Variants in NRBF2 observed in about 807,000 individuals in gnomAD.
The protein encoded by NRBF2 is nuclear receptor binding factor 2.
A neutral mutation model predicts 28.5 loss-of-function variants in NRBF2; 12 were observed. That is an observed-to-expected ratio of 0.42 (90% confidence interval 0.27 to 0.68). NRBF2 has a LOEUF of 0.68. Among genes scored for constraint, NRBF2 ranks in the 30% least tolerant of loss-of-function variants. The pLI is 0.24. For synonymous variants in NRBF2, 102 were observed against 116.5 expected (o/e 0.88, Z 0.80); for missense variants, 274 against 333.5 (o/e 0.82, Z 1.39).
chr10:63,146,381 C>A, intron 2 of NRBF2, 88 bp downstream of exon 2: 1 of 828,948 alleles, frequency 1.2e-6, no homozygotes, highest in Non-Finnish European at 1.9e-6. Context: ...ATATGCAAGA[C>A]TGATACTGCT....
chr10:63,145,164 A>G (rs985105076), intron 1 of NRBF2, among the ~76,000 whole-genome samples: 32 of 142,082 alleles, frequency 2.3e-4, no homozygotes, highest in African/African-American at 7.0e-4. Flanking sequence ...CTGGAGAGCA[A>G]TGGCATGATC....
At chr10:63,149,266 G>A (rs1479513846) in intron 2 of NRBF2, among the ~76,000 whole-genome samples, 5 of 152,274 alleles carry the variant, frequency 3.3e-5, no homozygotes, top group South Asian at 2.1e-4. Context: ...ACAGGCATGC[G>A]CCATCACACT....
intron 1 of NRBF2, among the ~76,000 whole-genome samples, chr10:63,135,269 A>G (rs1024447523): frequency 5.8e-4 from 88 of 152,212 alleles, no homozygotes; most frequent in Non-Finnish European, 1.2e-4. Flanking sequence ...ATGGCTCAAT[A>G]CTGAAACTTC....
At chr10:63,142,141 G>T (rs188577130) in intron 1 of NRBF2, among the ~76,000 whole-genome samples, 1 of 151,982 alleles carries the variant, frequency 6.6e-6, no homozygotes, top group Admixed American at 6.6e-5. Flanking sequence ...AATCATCAGC[G>T]ACACACACAG....
intron 1 of NRBF2, among the ~76,000 whole-genome samples, chr10:63,141,471 A>C (rs919934866): frequency 6.6e-6 from 1 of 152,190 alleles, no homozygotes; most frequent in East Asian, 1.9e-4. Context: ...TTAAAATGCA[A>C]TTCAGTCTAG....
rs2132699772 is a variant in NRBF2 at position 63,154,314 on chromosome 10, A to G, written c.*96A>G. ...AAAGGGAAAACCACATAGAAGGGTA[A>G]TCCCGGAAATGCTTCATCTGGTGGA... On this transcript the variant is annotated 3_prime_UTR_variant, in exon 4 of 4. Transcript: ENST00000277746. 3.7e-6 allele frequency: 3 copies of G among 810,934 alleles called. No homozygotes were observed. In the South Asian group the frequency reaches 5.6e-5, roughly 15 times the overall value. The allele number at this position is 810,934 out of a possible 1,614,324, so 50.2% of individuals were successfully genotyped here. A position where few individuals can be genotyped will look rare whatever the true frequency, so the allele number is the denominator to read the frequency against.
rs1261835924 is a variant in NRBF2, at chr10:63,142,293, G to GTTTTTTT, written c.31-3914_31-3908dup. 2.5e-4 allele frequency among the ~76,000 whole-genome samples: 34 copies of GTTTTTTT among 135,606 alleles called. 1 individual carries two copies. The highest frequency in any genetic ancestry group is 1.6e-3 in the East Asian group (7 of 4,328). 89.0% of individuals were successfully genotyped at this position (135,606 alleles called of 152,430 possible). A position where few individuals can be genotyped will look rare whatever the true frequency, so the allele number is the denominator to read the frequency against. On this transcript the variant is annotated intron_variant, in intron 1 of 3. Transcript: ENST00000277746. ...CCAAACCTCCTGAATCAGAACCTTTGTTTTTTTTGTTTTTTTTGTTTTTTT... is the reference window on the plus strand; with the variant it reads ...CCAAACCTCCTGAATCAGAACCTTTGTTTTTTTTTTTTTTTGTTTTTTTTGTTTTTTT...
rs1406263311 is a variant in NRBF2, at chr10:63,152,200, A to G, written c.156+10A>G. 1 of 1,611,358 alleles carries G rather than the reference A, an allele frequency of 6.2e-7. No individual in the cohort carries two copies. Among genetic ancestry groups the G allele is most frequent in the Non-Finnish European group, 8.5e-7 (1 of 1,177,782 alleles). On this transcript the variant is annotated intron_variant, in intron 3 of 3. Coordinates refer to ENST00000277746, the MANE Select transcript of NRBF2 (RefSeq NM_030759.5). ...GACACAGTCAGAGCAGGTGAGACAT[A>G]TTCCCAATATTTGCGACAAGGGTTA...
chr10:63,153,201 C>A (rs987362931), intron 3 of NRBF2, among the ~76,000 whole-genome samples: 1 of 152,088 alleles, frequency 6.6e-6, no homozygotes, highest in East Asian at 1.9e-4. Context: ...TTGAGTTATC[C>A]AAACACGCGG....
chr10:63,150,276 A>G, intron 2 of NRBF2: 1 of 603,820 alleles, frequency 1.7e-6, no homozygotes, highest in Non-Finnish European at 2.1e-6. Context: ...AAACATGAAC[A>G]AAAGGAAAAG....
At chr10:63,139,495 TGTTGTA>T (rs1178823410) in intron 1 of NRBF2, among the ~76,000 whole-genome samples, 1 of 152,202 alleles carries the variant, frequency 6.6e-6, no homozygotes, top group African/African-American at 2.4e-5. Flanking sequence ...GTAACCTAGT[TGTTGTA>T]GTTAGGATTT....
At chr10:63,140,721 G>A (rs1281388194) in intron 1 of NRBF2, among the ~76,000 whole-genome samples, 3 of 146,608 alleles carry the variant, frequency 2.0e-5, no homozygotes, top group Non-Finnish European at 3.0e-5. Context: ...TTTTTTTTGA[G>A]ATGGAGTCTC....
At chr10:63,135,621 G>A (rs1841363068) in intron 1 of NRBF2, among the ~76,000 whole-genome samples, 1 of 150,564 alleles carries the variant, frequency 6.6e-6, no homozygotes, top group Non-Finnish European at 1.5e-5. Flanking sequence ...ATGTAGGCAA[G>A]TATCAGAAAT....
chr10:63,147,288 C>G (rs759871142), intron 2 of NRBF2, among the ~76,000 whole-genome samples: 6 of 151,698 alleles, frequency 4.0e-5, no homozygotes, highest in Non-Finnish European at 8.8e-5. Context: ...GTGGTTTTTG[C>G]CTGGAAGTTG....
At chr10:63,143,796 G>A (rs1049549791) in intron 1 of NRBF2, among the ~76,000 whole-genome samples, 3 of 145,036 alleles carry the variant, frequency 2.1e-5, no homozygotes, top group East Asian at 2.1e-4. Context: ...TCTGTTGCCC[G>A]GACTGGAGTG....
rs1396665506 is a variant in NRBF2 at position 63,146,427 on chromosome 10, G to GT, written c.115+135dup. ...AATATCAGCTTTGATTATTTTTCAA[G>GT]TAAGTGTGTTGGATTTCCCAGCTCC... On this transcript the variant is annotated intron_variant, in intron 2 of 3. Transcript: ENST00000277746. 1.8e-5 allele frequency: 11 copies of GT among 597,040 alleles called. No homozygotes were observed. The Admixed American group carries it at 2.1e-4, about 11-fold the overall frequency. The allele number at this position is 597,040 out of a possible 1,614,324, so 37.0% of individuals were successfully genotyped here. A position where few individuals can be genotyped will look rare whatever the true frequency, so the allele number is the denominator to read the frequency against.
chr10:63,143,641 G>A (rs1256722874), intron 1 of NRBF2, among the ~76,000 whole-genome samples: 6 of 151,848 alleles, frequency 4.0e-5, no homozygotes, highest in African/African-American at 9.7e-5. Context: ...TTGTAGAGAC[G>A]GGGTTTCACC....
At chr10:63,152,052 G>A (rs1841659842) in intron 2 of NRBF2, 98 bp from the exon 3 acceptor site, 4 of 852,352 alleles carry the variant, frequency 4.7e-6, no homozygotes, top group Admixed American at 4.4e-5. Context: ...TATCAGACCA[G>A]TTCTCTTTGT....
chr10:63,147,787 AAT>A (rs1257007834), intron 2 of NRBF2, among the ~76,000 whole-genome samples: 1 of 149,696 alleles, frequency 6.7e-6, no homozygotes, highest in Admixed American at 6.7e-5. Flanking sequence ...TTAAAAAAGA[AAT>A]AGTTTTGCCA....
Sources: gnomAD v4.1 joint callset for allele counts (sites outside exome capture counted in the v4.1 genomes callset) on GRCh38, gnomAD v4.1.1 for gene constraint, MANE v1.5 for transcripts, NCBI Gene and HGNC (gene_info 2026-07-23, HGNC 2026-07-21) for gene names.